The following TMED3 variants were observed in gnomAD, a reference collection of about 807,000 sequenced individuals.
The protein encoded by TMED3 is transmembrane emp24 domain-containing protein 3.
TMED3 carries 9 observed loss-of-function variants against 15.0 expected under a neutral mutation model. That is an observed-to-expected ratio of 0.60 (90% CI 0.36 to 1.04). TMED3 has a LOEUF of 1.04. Among genes scored for constraint, TMED3 ranks in the 50% least tolerant of loss-of-function variants. The pLI is 0.01. For missense variants in TMED3, 267 were observed against 278.9 expected (o/e 0.96, Z 0.30); for synonymous variants, 117 against 121.4 (o/e 0.96, Z 0.24).
intron 2 of TMED3, among the ~76,000 whole-genome samples, chr15:79,391,986 G>A (rs1893701976): frequency 1.3e-5 from 2 of 152,072 alleles, no homozygotes; most frequent in African/African-American, 4.8e-5. Context: ...TATGTGTTAG[G>A]TGTGTCTCTT....
intron 2 of TMED3, among the ~76,000 whole-genome samples, chr15:79,409,722 G>A (rs1279593993): frequency 6.6e-6 from 1 of 152,198 alleles, no homozygotes; most frequent in Non-Finnish European, 1.5e-5. Context: ...CGTATTGTAA[G>A]AAAAGAATGC....
intron 2 of TMED3, among the ~76,000 whole-genome samples, chr15:79,357,678 G>T (rs1376711718): frequency 6.6e-6 from 1 of 151,910 alleles, no homozygotes; most frequent in African/African-American, 2.4e-5. Context: ...AGAGGGAGCT[G>T]GCGGCCCTCC....
At chr15:79,402,861 C>T (rs937001404) in intron 2 of TMED3, among the ~76,000 whole-genome samples, 1 of 152,058 alleles carries the variant, frequency 6.6e-6, no homozygotes, top group Non-Finnish European at 1.5e-5. Flanking sequence ...GTCTGACACT[C>T]AGATGACTGA....
intron 2 of TMED3, among the ~76,000 whole-genome samples, chr15:79,396,646 C>T (rs1202626004): frequency 1.3e-5 from 2 of 152,174 alleles, no homozygotes; most frequent in Non-Finnish European, 2.9e-5. Context: ...TCACATAGCA[C>T]CTCTTCCATC....
rs753972151 is a variant in TMED3 at position 79,311,215 on chromosome 15, C to T, written c.-35C>T. On this transcript the variant is annotated 5_prime_UTR_variant, in exon 1 of 3. Transcript: ENST00000299705. ...CCCAGCCCGCCGGGGGCGCAGCGCC[C>T]GAGCCGCGGCCCTCGAGACGGGACC... 6.4e-7 allele frequency: 1 copy of T among 1,563,112 alleles called. No homozygotes were observed. Among genetic ancestry groups the T allele is most frequent in the Non-Finnish European group, 8.6e-7 (1 of 1,160,490 alleles).
chr15:79,387,456 A>G (rs967837046), intron 2 of TMED3, among the ~76,000 whole-genome samples: 10 of 152,172 alleles, frequency 6.6e-5, no homozygotes, highest in Admixed American at 6.5e-4. Context: ...TTGAACCTTT[A>G]TAAGTGTTGA....
chr15:79,329,441 C>T (rs2058799374), intron 2 of TMED3, among the ~76,000 whole-genome samples: 2 of 152,224 alleles, frequency 1.3e-5, no homozygotes, highest in South Asian at 2.1e-4. Context: ...AGCACACAGG[C>T]GCATAACTCC....
chr15:79,384,806 G>A (rs1410987289), intron 2 of TMED3: 1 of 152,212 alleles, frequency 6.6e-6, no homozygotes, highest in Non-Finnish European at 1.5e-5. Context: ...AGAATCGCTC[G>A]AGCCCAGGAG....
intron 2 of TMED3, among the ~76,000 whole-genome samples, chr15:79,389,937 T>G (rs2141253236): frequency 6.6e-6 from 1 of 152,342 alleles, no homozygotes; most frequent in Non-Finnish European, 1.5e-5. Flanking sequence ...TACATTAATC[T>G]TGTATCCAGA....
At chr15:79,393,852 TGC>T (rs1307793312) in intron 2 of TMED3, among the ~76,000 whole-genome samples, 1 of 152,124 alleles carries the variant, frequency 6.6e-6, no homozygotes, top group Non-Finnish European at 1.5e-5. Context: ...CATGCCACCT[TGC>T]CCAACTAATT....
Position 79,313,844 on chromosome 15 carries a change from G to A in TMED3, c.256G>A (p.Asp86Asn), listed in dbSNP as rs3784543. The A allele has an allele frequency of 4.7e-3, 7,578 of 1,614,214 alleles. 410 individuals are homozygous for A. In the Admixed American group the frequency reaches 0.097, roughly 21 times the overall value. ...TIYRETKKQY[D>N]SFTYRAEVKG... is the part of the protein sequence containing the mutation. ...CTACAGAGAAACGAAGAAGCAGTAC[G>A]ACAGCTTCACGTACCGGGCTGAAGT... The change falls in exon 2 of 3, where the codon GAC becomes AAC. Residue 86 changes from aspartate (D) to asparagine (N), a missense_variant. Asp to Asn is a conservative substitution (Grantham distance 23). Coordinates refer to ENST00000299705, the MANE Select transcript of TMED3 (RefSeq NM_007364.4).
chr15:79,370,318 G>C (rs1385644018), intron 2 of TMED3, among the ~76,000 whole-genome samples: 2 of 132,532 alleles, frequency 1.5e-5, no homozygotes, highest in African/African-American at 5.8e-5. Context: ...CTCAAAGCTT[G>C]GACTCTGGCT....
At chr15:79,351,019 A>G (rs1345931002) in intron 2 of TMED3, among the ~76,000 whole-genome samples, 1 of 152,184 alleles carries the variant, frequency 6.6e-6, no homozygotes, top group African/African-American at 2.4e-5. Flanking sequence ...CTGTGTGACA[A>G]GTGTGCTGTA....
intron 2 of TMED3, among the ~76,000 whole-genome samples, chr15:79,402,626 A>G (rs755524291): frequency 5.1e-4 from 77 of 152,132 alleles, no homozygotes; most frequent in Non-Finnish European, 9.7e-4. Context: ...AAAACTACAA[A>G]AAAAGAAAAA....
intron 2 of TMED3, among the ~76,000 whole-genome samples, chr15:79,406,677 C>T (rs557945496): frequency 2.0e-5 from 3 of 152,180 alleles, no homozygotes; most frequent in African/African-American, 7.2e-5. Flanking sequence ...TTTTCTGTTG[C>T]AGCAGTTAAC....
intron 2 of TMED3, among the ~76,000 whole-genome samples, chr15:79,387,819 C>G (rs1893646039): frequency 6.6e-6 from 1 of 152,086 alleles, no homozygotes; most frequent in South Asian, 2.1e-4. Flanking sequence ...CTCTTCTTGT[C>G]TGGATTCCTA....
chr15:79,328,564 G>A (rs1388892119), intron 2 of TMED3, among the ~76,000 whole-genome samples: 1 of 152,198 alleles, frequency 6.6e-6, no homozygotes, highest in Non-Finnish European at 1.5e-5. Context: ...CTGGTGGACA[G>A]ACATCTGGAA....
At chr15:79,323,553 A>G (rs2058776831), downstream of TMED3, among the ~76,000 whole-genome samples, 1 of 152,228 alleles carries the variant, frequency 6.6e-6, no homozygotes, top group Admixed American at 6.5e-5. Context: ...GAAAAACAAT[A>G]CAAAAATCCT....
intron 2 of TMED3, among the ~76,000 whole-genome samples, chr15:79,385,495 G>A (rs1893613745): frequency 6.6e-6 from 1 of 152,188 alleles, no homozygotes; most frequent in Admixed American, 6.5e-5. Flanking sequence ...CACCTGGGAA[G>A]GTGGCTGCAG....
Sources: gnomAD v4.1 joint callset for allele counts (sites outside exome capture counted in the v4.1 genomes callset) on GRCh38, gnomAD v4.1.1 for gene constraint, MANE v1.5 for transcripts, NCBI Gene and HGNC (gene_info 2026-07-23, HGNC 2026-07-21) for gene names.